Variants in LOC728743 observed in about 807,000 individuals in gnomAD.
chr7:150,401,598 A>G, the LOC728743 span, among the ~76,000 whole-genome samples: 1 of 152,230 alleles, frequency 6.6e-6, no homozygotes, highest in African/African-American at 2.4e-5. Flanking sequence ...GCAGTGAGAG[A>G]GGGAAATGAA....
At chr7:150,409,234 A>T in the LOC728743 span, among the ~76,000 whole-genome samples, 31 of 151,032 alleles carry the variant, frequency 2.1e-4, no homozygotes, top group Admixed American at 5.3e-4. Flanking sequence ...GGGTGGGGAC[A>T]CTGAGATTTT....
chr7:150,402,265 T>C, the LOC728743 span, among the ~76,000 whole-genome samples: 1 of 152,228 alleles, frequency 6.6e-6, no homozygotes, highest in Non-Finnish European at 1.5e-5. Context: ...ATAGGTCACA[T>C]CCTGGGTTTT....
the LOC728743 span, chr7:150,405,734 T>C: frequency 6.6e-6 from 1 of 152,056 alleles, no homozygotes; most frequent in African/African-American, 2.4e-5. Flanking sequence ...TCCCGATTAA[T>C]GCAGCTATTT....
chr7:150,406,005 G>A, the LOC728743 span: 1 of 152,434 alleles, frequency 6.6e-6, no homozygotes, highest in Non-Finnish European at 1.5e-5. Flanking sequence ...AGAGTGAGGA[G>A]GCTGCCCAGT....
At chr7:150,401,502 CTT>C in the LOC728743 span, among the ~76,000 whole-genome samples, 2 of 152,364 alleles carry the variant, frequency 1.3e-5, no homozygotes, top group South Asian at 4.1e-4. Flanking sequence ...AAAGAAATAT[CTT>C]TGACCTTTAG....
the LOC728743 span, among the ~76,000 whole-genome samples, chr7:150,404,324 A>T: frequency 0.01 from 1,551 of 152,196 alleles, 25 homozygotes; most frequent in African/African-American, 0.035. Context: ...GTCGTCACAC[A>T]CTATTTATGT....
the LOC728743 span, chr7:150,407,478 T>C: frequency 5.0e-6 from 2 of 397,176 alleles, no homozygotes; most frequent in Non-Finnish European, 8.9e-6. Flanking sequence ...AAGGTGGAGG[T>C]TGTGGGAGGT....
At chr7:150,409,313 AC>A in the LOC728743 span, among the ~76,000 whole-genome samples, 3 of 152,196 alleles carry the variant, frequency 2.0e-5, no homozygotes, top group Middle Eastern at 6.8e-3. Context: ...GTGAGGACAG[AC>A]TGATGTGGGA....
At chr7:150,400,869 T>C in the LOC728743 span, 1 of 152,224 alleles carries the variant, frequency 6.6e-6, no homozygotes, top group Non-Finnish European at 1.5e-5. Context: ...CAATCCAAAA[T>C]ACTCTGGAGC....
the LOC728743 span, chr7:150,410,649 A>G: frequency 0.25 from 39,548 of 155,476 alleles, 5,189 homozygotes; most frequent in East Asian, 0.39. Flanking sequence ...CTTTCTGAGC[A>G]GTGCTTCTTA....
chr7:150,410,963 T>G, the LOC728743 span: 2 of 152,290 alleles, frequency 1.3e-5, no homozygotes, highest in African/African-American at 4.8e-5. Context: ...GAGGAGCCCT[T>G]TTTAGTCATT....
the LOC728743 span, among the ~76,000 whole-genome samples, chr7:150,406,383 CAGG>C: frequency 2.0e-5 from 3 of 152,248 alleles, no homozygotes; most frequent in South Asian, 6.2e-4. Context: ...AGTGCATCTA[CAGG>C]AGAAGTGGCC....
At chr7:150,410,092 A>C in the LOC728743 span, 2 of 398,520 alleles carry the variant, frequency 5.0e-6, no homozygotes, top group Admixed American at 4.4e-5. Flanking sequence ...CTAGCCCCAG[A>C]GGGGTGGCTG....
the LOC728743 span, among the ~76,000 whole-genome samples, chr7:150,409,608 C>T: frequency 1.3e-5 from 2 of 152,162 alleles, no homozygotes; most frequent in Admixed American, 1.3e-4. Flanking sequence ...CTTTTAGCTT[C>T]ACTGCTTAAA....
chr7:150,407,907 C>T, the LOC728743 span: 1 of 415,002 alleles, frequency 2.4e-6, no homozygotes. Context: ...TTCCCCTGCC[C>T]CGAGTGCGGC....
the LOC728743 span, among the ~76,000 whole-genome samples, chr7:150,409,577 T>C: frequency 6.6e-6 from 1 of 152,232 alleles, no homozygotes; most frequent in South Asian, 2.1e-4. Flanking sequence ...GGGCTTTGTT[T>C]TGGATTCTGA....
the LOC728743 span, chr7:150,412,094 G>A: frequency 6.6e-6 from 1 of 152,322 alleles, no homozygotes; most frequent in Non-Finnish European, 1.5e-5. Flanking sequence ...GCAAGGGACT[G>A]TCATTTCCTC....
At chr7:150,409,266 C>A in the LOC728743 span, among the ~76,000 whole-genome samples, 3 of 151,942 alleles carry the variant, frequency 2.0e-5, no homozygotes, top group South Asian at 6.2e-4. Flanking sequence ...GTGCTATGAT[C>A]TCAGACTTAT....
chr7:150,408,288 A>G, the LOC728743 span: 13 of 369,272 alleles, frequency 3.5e-5, no homozygotes, highest in African/African-American at 8.5e-5. Context: ...ACCCCTGGAG[A>G]TGGCCCTGGG....
Sources: gnomAD v4.1 joint callset for allele counts (sites outside exome capture counted in the v4.1 genomes callset) on GRCh38, gnomAD v4.1.1 for gene constraint, MANE v1.5 for transcripts.